ANK3: variants seen among roughly 807,000 people sequenced by gnomAD.
The protein encoded by ANK3 is ankyrin-3.
In ANK3, 57 loss-of-function variants were observed where a neutral mutation model predicts 370.9. The ratio of observed to expected loss-of-function variants is 0.15; its 90% CI spans 0.12 to 0.19. The LOEUF (loss-of-function observed/expected upper bound fraction) is 0.19, where lower values mean the gene tolerates loss of function less well. Among genes scored for constraint, ANK3 ranks in the 10% least tolerant of loss-of-function variants. ANK3 has a pLI of 1.00. For missense variants in ANK3, 4,439 were observed against 5,302.1 expected (o/e 0.84, Z 5.06); for synonymous variants, 1,929 against 1,946.3 (o/e 0.99, Z 0.23).
intron 26 of ANK3, 31 bp downstream of exon 26, chr10:60,114,194 G>A: frequency 1.6e-6 from 2 of 1,273,524 alleles, no homozygotes; most frequent in Non-Finnish European, 2.3e-6. Flanking sequence ...CATGTAGTAG[G>A]ATAATGAAAA....
In ANK3 at chr10:60,069,158, T is replaced by C; in HGVS notation, c.11723A>G (p.Asp3908Gly). Residue 3908 changes from aspartate (D) to glycine (G), a missense_variant, in exon 37 of 44, where the codon GAT becomes GGT. Around this residue, in one of 13 missense-constraint regions of ANK3, gnomAD observed 496 missense variants for 529.3 expected, o/e 0.94. Transcript: ENST00000280772. ...TKALTTSSCV[D>G]VKSRIPVKNT... is the part of the protein sequence containing the mutation. ...TTTCACTGGAATTCTGGACTTTACA[T>C]CTACACATGAAGAAGTAGTAAGGGC... The C allele has an allele frequency of 6.2e-7, 1 of 1,614,208 alleles. No individual in the cohort carries two copies. Among genetic ancestry groups the C allele is most frequent in the Middle Eastern group, 1.6e-4 (1 of 6,062 alleles).
At position 60,069,671 on chromosome 10, in the gene ANK3, C is replaced by T; in HGVS notation, c.11210G>A (p.Gly3737Asp). ...SASTMTMKKE[G>D]PGEITDKIEA... is the part of the protein sequence containing the mutation. ...TATCTTATCTGTTATTTCTCCAGGG[C>T]CTTCTTTCTTCATGGTCATGGTGGA... The change falls in exon 37 of 44, where the codon GGC (glycine) becomes GAC (aspartate). Residue 3737 changes from glycine (G) to aspartate (D), a missense_variant. This residue lies in a region of ANK3 where 496 missense variants were observed against 529.3 expected (regional missense o/e 0.94). Transcript: ENST00000280772. 3 of 1,614,032 alleles carry T rather than the reference C, an allele frequency of 1.9e-6. No homozygotes were observed. Among genetic ancestry groups the T allele is most frequent in the Non-Finnish European group, 8.5e-7 (1 of 1,179,990 alleles).
chr10:60,148,888 C>A (rs1400154143), intron 23 of ANK3, among the ~76,000 whole-genome samples: 2 of 152,188 alleles, frequency 1.3e-5, no homozygotes, highest in African/African-American at 4.8e-5. Flanking sequence ...CCTATTCATT[C>A]TTCCTTAGCT....
At chr10:60,190,803 T>C (rs1287829531) in intron 16 of ANK3, among the ~76,000 whole-genome samples, 14 of 152,072 alleles carry the variant, frequency 9.2e-5, no homozygotes, top group Non-Finnish European at 1.0e-4. Flanking sequence ...AAGAACAAAG[T>C]TGGAGGCATC....
chr10:60,323,288 T>A (rs2049070942), intron 1 of ANK3, among the ~76,000 whole-genome samples: 1 of 152,204 alleles, frequency 6.6e-6, no homozygotes. Context: ...GCATTCATCC[T>A]TTAGCTCCCA....
At chr10:60,531,997 T>C (rs1485298766) in intron 2 of ANK3, among the ~76,000 whole-genome samples, 1 of 152,138 alleles carries the variant, frequency 6.6e-6, no homozygotes, top group East Asian at 1.9e-4. Context: ...CAGACACATC[T>C]GGAAGGTGTA....
In ANK3 at chr10:60,055,753, C is replaced by A. The variant is rs755506232; in HGVS notation, c.12970G>T (p.Val4324Phe). ...GTCCTACTCATCTTTTTCATACTGA[C>A]AGGCACACAGGGTTTAGTCTCTTCT... Reference protein sequence around the residue: ...IIEETKPCVPVSMKKMSRTSP... With the variant: ...IIEETKPCVPFSMKKMSRTSP... Residue 4324 changes from valine (V) to phenylalanine (F), a missense_variant, in exon 42 of 44, where the codon GTC becomes TTC. Physicochemically the swap from Val to Phe is conservative, Grantham distance 50. This residue lies in a region of ANK3 where 242 missense variants were observed against 228.0 expected (regional missense o/e 1.06). Transcript: ENST00000280772. The A allele has an allele frequency of 2.8e-5, 45 of 1,614,196 alleles. No individual in the cohort carries two copies. Among genetic ancestry groups the A allele is most frequent in the Non-Finnish European group, 3.6e-5 (43 of 1,180,028 alleles).
intron 1 of ANK3, among the ~76,000 whole-genome samples, chr10:60,702,419 A>T (rs560519214): frequency 6.1e-4 from 93 of 152,272 alleles, no homozygotes; most frequent in African/African-American, 2.1e-3. Context: ...TACAGTAATC[A>T]TATTGTTGGT....
chr10:60,677,020 T>C (rs1356450934), intron 1 of ANK3, among the ~76,000 whole-genome samples: 2 of 152,234 alleles, frequency 1.3e-5, no homozygotes, highest in Non-Finnish European at 2.9e-5. Context: ...GTACAATTAT[T>C]ATGTACCAAT....
intron 1 of ANK3, among the ~76,000 whole-genome samples, chr10:60,307,306 C>T (rs758088753): frequency 1.3e-5 from 2 of 152,012 alleles, no homozygotes; most frequent in Admixed American, 6.6e-5. Context: ...GTTTGGCAGT[C>T]GTGGCCTCAT....
chr10:60,595,376 T>C (rs188702450), intron 2 of ANK3, among the ~76,000 whole-genome samples: 7 of 152,166 alleles, frequency 4.6e-5, no homozygotes, highest in African/African-American at 1.7e-4. Context: ...GGAATGCTGA[T>C]TGGTTATGTT....
chr10:60,150,563 G>A (rs1248038150), intron 23 of ANK3, among the ~76,000 whole-genome samples: 2 of 152,152 alleles, frequency 1.3e-5, no homozygotes, highest in African/African-American at 4.8e-5. Context: ...GTAGGGCCTT[G>A]TGGAAGGTAT....
At chr10:60,105,740 G>A (rs1374460074) in intron 28 of ANK3, among the ~76,000 whole-genome samples, 165 bp downstream of exon 28, 1 of 152,148 alleles carries the variant, frequency 6.6e-6, no homozygotes. Flanking sequence ...TAGATTAAAT[G>A]GAACTTCAGC....
At chr10:60,096,903 T>C (rs2090252160) in intron 28 of ANK3, among the ~76,000 whole-genome samples, 1 of 152,186 alleles carries the variant, frequency 6.6e-6, no homozygotes, top group Non-Finnish European at 1.5e-5. Flanking sequence ...CATAAGAGCT[T>C]CTTACCTTTC....
chr10:60,468,409 T>C (rs546945352), intron 2 of ANK3, among the ~76,000 whole-genome samples: 70 of 152,256 alleles, frequency 4.6e-4, no homozygotes, highest in South Asian at 1.9e-3. Context: ...GAATTTTGAG[T>C]ATCAAATTTC....
intron 16 of ANK3, among the ~76,000 whole-genome samples, chr10:60,189,171 C>T (rs1208349907): frequency 6.6e-6 from 1 of 152,128 alleles, no homozygotes; most frequent in East Asian, 1.9e-4. Flanking sequence ...AAAAAGAATC[C>T]TATGTCCTAA....
chr10:60,531,496 C>T lies in ANK3; in HGVS notation c.96+83690G>A, dbSNP rs79312468. On this transcript the variant is annotated intron_variant, in intron 2 of 43. Coordinates refer to the ANK3 transcript ENST00000373827. ...TGGGCCAGAAGAGAGAAAATTTACT[C>T]TATGTCTGTTTATACATTTTATTTT... Among the ~76,000 whole-genome samples, 1,306 of 152,056 alleles carry T rather than the reference C, an allele frequency of 8.6e-3. 21 individuals carry two copies. Among genetic ancestry groups the T allele is most frequent in the Non-Finnish European group, 9.2e-3 (625 of 67,968 alleles).
intron 8 of ANK3, among the ~76,000 whole-genome samples, chr10:60,216,370 T>C (rs781145148): frequency 6.6e-6 from 1 of 152,216 alleles, no homozygotes; most frequent in Non-Finnish European, 1.5e-5. Flanking sequence ...TTCCAGCTTA[T>C]GCCCATTCAA....
intron 37 of ANK3, 135 bp downstream of exon 37, chr10:60,068,502 A>G (rs1251196332): frequency 2.2e-6 from 2 of 923,136 alleles, no homozygotes; most frequent in East Asian, 4.9e-5. Context: ...ATGAGAAACT[A>G]CGGTTAAGTC....
Sources: gnomAD v4.1 joint callset for allele counts (sites outside exome capture counted in the v4.1 genomes callset) on GRCh38, gnomAD v4.1.1 for gene constraint, gnomAD v4.1.1 regional missense constraint, MANE v1.5 for transcripts, NCBI Gene and HGNC (gene_info 2026-07-23, HGNC 2026-07-21) for gene names.